Variants in GRAMD1B observed in about 807,000 individuals in gnomAD.
The protein encoded by GRAMD1B is protein Aster-B.
In GRAMD1B, 37 loss-of-function variants were observed where a neutral mutation model predicts 99.7. That is an observed-to-expected ratio of 0.37 (90% CI 0.29 to 0.49). The LOEUF (loss-of-function observed/expected upper bound fraction) is 0.49. GRAMD1B is among the 20% of genes least tolerant of loss of function. GRAMD1B has a pLI of 0.98. For synonymous variants in GRAMD1B, 427 were observed against 387.6 expected (o/e 1.10, Z -1.19); for missense variants, 888 against 1,009.2 (o/e 0.88, Z 1.63).
intron 4 of GRAMD1B, among the ~76,000 whole-genome samples, chr11:123,589,816 T>C (rs1321589342): frequency 6.6e-6 from 1 of 152,020 alleles, no homozygotes; most frequent in African/African-American, 2.4e-5. Context: ...ACAGTAAAGT[T>C]TGGGGGCTGC....
At chr11:123,391,799 C>A (rs1258817311) in intron 1 of GRAMD1B, among the ~76,000 whole-genome samples, 1 of 152,188 alleles carries the variant, frequency 6.6e-6, no homozygotes, top group Non-Finnish European at 1.5e-5. Flanking sequence ...TAAGCACTTA[C>A]AATGTACCAG....
intron 2 of GRAMD1B, among the ~76,000 whole-genome samples, chr11:123,516,808 C>T (rs1941713637): frequency 6.6e-6 from 1 of 152,194 alleles, no homozygotes; most frequent in African/African-American, 2.4e-5. Context: ...GTTTAATGCC[C>T]ATCTTTTATC....
chr11:123,383,707 C>G lies in GRAMD1B; in HGVS notation c.-176+24908C>G, dbSNP rs138767188. Among the ~76,000 whole-genome samples, 43 of 152,050 alleles carry G rather than the reference C, an allele frequency of 2.8e-4. No homozygotes were observed. The East Asian group carries it at 6.0e-3, about 21-fold the overall frequency. On this transcript the variant is annotated intron_variant, in intron 1 of 20. Coordinates refer to the GRAMD1B transcript ENST00000638157. Reference sequence around the variant, plus strand: ...TCGTTTTTATTTCTTAAATACACATCTCCCTGATGTTAACAAAGAAACCTC... The same window carrying G: ...TCGTTTTTATTTCTTAAATACACATGTCCCTGATGTTAACAAAGAAACCTC...
chr11:123,545,227 G>C lies in GRAMD1B; in HGVS notation c.453-32140G>C, dbSNP rs151126685. On this transcript the variant is annotated intron_variant, in intron 2 of 19. Transcript: ENST00000635736. ...TGCCCCAAGTGGGTGGGGTGAAGTG[G>C]GAGGACTGCAGGCACCCTTTCTCCA... 4.1e-3 allele frequency among the ~76,000 whole-genome samples: 620 copies of C among 152,306 alleles called. 6 individuals are homozygous for C. The highest frequency in any genetic ancestry group is 0.014 in the African/African-American group (592 of 41,558).
At chr11:123,583,693 T>C (rs888505587) in intron 3 of GRAMD1B, among the ~76,000 whole-genome samples, 1 of 152,072 alleles carries the variant, frequency 6.6e-6, no homozygotes, top group African/African-American at 2.4e-5. Context: ...TTCTGAATTA[T>C]GGCACCACTG....
At chr11:123,466,446 GAA>G (rs1315424406) in intron 1 of GRAMD1B, among the ~76,000 whole-genome samples, 2,552 of 149,562 alleles carry the variant, frequency 0.017, 70 homozygotes, top group African/African-American at 0.059. Flanking sequence ...AAGAAAGAAA[GAA>G]AGAGAAAGAA....
Position 123,609,865 on chromosome 11 carries a change from C to A in GRAMD1B, c.1728C>A (p.Thr576=). The part of the protein sequence containing the change: ...NQSRVILYTI[T]LTNPLAPKTA... ...GCCGAGTGATTCTTTACACCATCACCCTTACCAACCCTCTGGCTCCCAAAA... is the reference window on the plus strand; with the variant it reads ...GCCGAGTGATTCTTTACACCATCACACTTACCAACCCTCTGGCTCCCAAAA... The change falls in exon 13 of 20, where the codon ACC becomes ACA. Residue 576 remains threonine, a synonymous_variant. Transcript: ENST00000635736. 2 of 1,602,330 alleles carry A rather than the reference C, an allele frequency of 1.2e-6. No homozygotes were observed. The highest frequency in any genetic ancestry group is 2.3e-5 in the South Asian group (2 of 88,444).
intron 1 of GRAMD1B, among the ~76,000 whole-genome samples, chr11:123,467,841 C>CCTTCCTTCCTTCCTT (rs61266237): frequency 2.0e-4 from 22 of 109,372 alleles, no homozygotes; most frequent in African/African-American, 7.4e-4. Context: ...CTCCCTCCCT[C>CCTTCCTTCCTTCCTT]CCTTCCTTCC....
chr11:123,516,038 A>G (rs183392718), intron 2 of GRAMD1B, among the ~76,000 whole-genome samples: 116 of 152,334 alleles, frequency 7.6e-4, no homozygotes, highest in Middle Eastern at 6.8e-3. Context: ...CAAAGTGCCA[A>G]GATTACAGGT....
At chr11:123,384,370 C>G (rs1372345514) in intron 1 of GRAMD1B, among the ~76,000 whole-genome samples, 2 of 152,130 alleles carry the variant, frequency 1.3e-5, no homozygotes, top group African/African-American at 4.8e-5. Context: ...TTTGACATTC[C>G]CAATTATGTC....
chr11:123,519,989 C>G (rs562894064), intron 2 of GRAMD1B, among the ~76,000 whole-genome samples: 111 of 152,368 alleles, frequency 7.3e-4, no homozygotes, highest in African/African-American at 2.6e-3. Flanking sequence ...TGTCTGCAGG[C>G]AAGGTCAACA....
chr11:123,595,830 A>C (rs1951207459), intron 6 of GRAMD1B, 112 bp from the exon 7 acceptor site: 1 of 607,590 alleles, frequency 1.6e-6, no homozygotes, highest in Non-Finnish European at 3.0e-6. Context: ...CAGGGTTATA[A>C]ATATGTGATC....
intron 1 of GRAMD1B, among the ~76,000 whole-genome samples, chr11:123,419,095 A>G (rs1397215452): frequency 1.3e-5 from 2 of 152,216 alleles, no homozygotes; most frequent in Non-Finnish European, 2.9e-5. Flanking sequence ...ATAAATGAAT[A>G]TTGAGGACAT....
At chr11:123,558,748 C>G (rs976084298) in intron 2 of GRAMD1B, among the ~76,000 whole-genome samples, 2 of 152,184 alleles carry the variant, frequency 1.3e-5, no homozygotes, top group African/African-American at 2.4e-5. Flanking sequence ...TTCTTTGGAG[C>G]TGGGATTCCT....
rs1201403185 is a variant in GRAMD1B, at chr11:123,492,218, AT to A, written c.452+11326del. On this transcript the variant is annotated intron_variant, in intron 2 of 19. Transcript: ENST00000635736. This position sits in a 1 kb window ranked among gnomAD's most constrained non-coding sequence, Gnocchi z 4.2. Reference sequence around the variant, plus strand: ...CCAGGGACCATTACTTTTCTCCTTTATGATAAGTTGCTCCAGTCCATAAAGA... The same window carrying A: ...CCAGGGACCATTACTTTTCTCCTTTAGATAAGTTGCTCCAGTCCATAAAGA... 6.6e-6 allele frequency among the ~76,000 whole-genome samples: 1 copy of A among 151,990 alleles called. No individual in the cohort carries two copies. The highest frequency in any genetic ancestry group is 1.5e-5 in the Non-Finnish European group (1 of 68,002).
chr11:123,454,831 T>G (rs1157415146), intron 1 of GRAMD1B: 1 of 152,140 alleles, frequency 6.6e-6, no homozygotes, highest in Non-Finnish European at 1.5e-5. Context: ...AGAACCAAGG[T>G]AAGATTTAAA....
intron 2 of GRAMD1B, among the ~76,000 whole-genome samples, chr11:123,506,875 C>G (rs1940488870): frequency 6.6e-6 from 1 of 152,134 alleles, no homozygotes; most frequent in Non-Finnish European, 1.5e-5. Context: ...TCCTGCCCAG[C>G]CCCAACTTCT....
chr11:123,505,496 A>T (rs992530481), intron 2 of GRAMD1B, among the ~76,000 whole-genome samples: 3 of 152,224 alleles, frequency 2.0e-5, no homozygotes, highest in South Asian at 2.1e-4. Context: ...TGAAAAACAA[A>T]CACCTAACTC....
chr11:123,537,915 C>A (rs1031804842), intron 2 of GRAMD1B, among the ~76,000 whole-genome samples: 5 of 152,158 alleles, frequency 3.3e-5, no homozygotes, highest in African/African-American at 1.2e-4. Context: ...GTCTTAACTG[C>A]TTTCTGTGGC....
Sources: gnomAD v4.1 joint callset for allele counts (sites outside exome capture counted in the v4.1 genomes callset) on GRCh38, gnomAD v4.1.1 for gene constraint, Gnocchi (gnomAD v3.1) non-coding constraint, MANE v1.5 for transcripts, NCBI Gene and HGNC (gene_info 2026-07-23, HGNC 2026-07-21) for gene names.